USP32: variants seen among roughly 807,000 people sequenced by gnomAD.
The protein encoded by USP32 is ubiquitin specific peptidase 32, also known as ubiquitin carboxyl-terminal hydrolase 32.
USP32 carries 59 observed loss-of-function variants against 204.8 expected under a neutral mutation model. The observed-to-expected ratio is 0.29, with a 90% CI of 0.23 to 0.36. USP32 has a LOEUF of 0.36. USP32 is among the 10% of genes least tolerant of loss of function. The pLI is 1.00. For synonymous variants in USP32, 517 were observed against 678.4 expected (o/e 0.76, Z 3.70); for missense variants, 1,160 against 1,946.4 (o/e 0.60, Z 7.60).
chr17:60,307,227 G>A (rs1162702945), intron 2 of USP32, among the ~76,000 whole-genome samples: 1 of 151,832 alleles, frequency 6.6e-6, no homozygotes, highest in Non-Finnish European at 1.5e-5. Flanking sequence ...AGCCTCCCGA[G>A]TAGCTGGGAT....
intron 1 of USP32, among the ~76,000 whole-genome samples, chr17:60,415,700 C>T (rs62082085): frequency 0.15 from 23,087 of 152,116 alleles, 3,852 homozygotes; most frequent in African/African-American, 0.42. Context: ...CTCTTCAGAC[C>T]CAGCACTCCA....
intron 26 of USP32, among the ~76,000 whole-genome samples, chr17:60,200,751 T>C (rs1190510330): frequency 6.6e-6 from 1 of 152,254 alleles, no homozygotes; most frequent in Non-Finnish European, 1.5e-5. Flanking sequence ...TTCTTGCTTT[T>C]CTTTACAGTT....
intron 1 of USP32, among the ~76,000 whole-genome samples, chr17:60,387,166 C>T (rs965762801): frequency 1.3e-5 from 2 of 152,106 alleles, no homozygotes; most frequent in African/African-American, 2.4e-5. Flanking sequence ...TTATGCTAAA[C>T]GAACTAACAT....
chr17:60,180,722 A>G, intron 32 of USP32, 85 bp from the exon 33 acceptor site: 1 of 1,319,024 alleles, frequency 7.6e-7, no homozygotes, highest in Non-Finnish European at 1.1e-6. Flanking sequence ...GCAGGAGAAC[A>G]CTGATCATGT....
chr17:60,312,379 T>G (rs1177803402), intron 2 of USP32, among the ~76,000 whole-genome samples: 1 of 152,188 alleles, frequency 6.6e-6, no homozygotes, highest in Admixed American at 6.5e-5. Flanking sequence ...TCATTTTATA[T>G]AATTCTCATG....
In USP32 at chr17:60,365,644, T is replaced by C. The variant is rs1233846884; in HGVS notation, c.59-20036A>G. ...CTTGTCCTCCTTAAGTACAAAACTT[T>C]TATTACTTTTTTCATTAGTCTATAT... On this transcript the variant is annotated intron_variant, in intron 1 of 33. Coordinates refer to ENST00000300896, the MANE Select transcript of USP32 (RefSeq NM_032582.4). Among the ~76,000 whole-genome samples, 37 of 151,960 alleles carry C rather than the reference T, an allele frequency of 2.4e-4. 1 individual carries two copies. Among genetic ancestry groups the C allele is most frequent in the Admixed American group, 1.9e-3 (29 of 15,270 alleles).
chr17:60,420,235 C>T (rs982792652), intron 1 of USP32, among the ~76,000 whole-genome samples: 2 of 151,678 alleles, frequency 1.3e-5, no homozygotes, highest in Non-Finnish European at 2.9e-5. Context: ...CTCAGGTGAC[C>T]CACCCACCTC....
intron 1 of USP32, among the ~76,000 whole-genome samples, chr17:60,369,069 A>C (rs1403420465): frequency 7.8e-6 from 1 of 128,816 alleles, no homozygotes; most frequent in Non-Finnish European, 1.5e-5. Flanking sequence ...ATCTCGGCTC[A>C]CTGCAAGCTC....
At chr17:60,396,122 A>G (rs1329853131), upstream of USP32, among the ~76,000 whole-genome samples, 1 of 133,922 alleles carries the variant, frequency 7.5e-6, no homozygotes, top group Non-Finnish European at 1.5e-5. Context: ...TTGTCACCCA[A>G]GCTGGAGTGC....
At chr17:60,405,573 G>T (rs2089969351) in intron 1 of USP32, among the ~76,000 whole-genome samples, 1 of 152,080 alleles carries the variant, frequency 6.6e-6, no homozygotes, top group African/African-American at 2.4e-5. Flanking sequence ...ACCAGCATGG[G>T]CAACATATCA....
At chr17:60,325,560 G>A (rs2088212997) in intron 2 of USP32, among the ~76,000 whole-genome samples, 2 of 152,124 alleles carry the variant, frequency 1.3e-5, no homozygotes, top group African/African-American at 4.8e-5. Flanking sequence ...TTGTCAGGGA[G>A]GGATGTAAGA....
chr17:60,421,511 G>A (rs1362614302), intron 1 of USP32: 1 of 985,476 alleles, frequency 1.0e-6, no homozygotes, highest in Non-Finnish European at 1.2e-6. Flanking sequence ...AACTGGGCCC[G>A]GGCCCAGAGG....
intron 6 of USP32, among the ~76,000 whole-genome samples, chr17:60,270,614 G>C (rs536375023): frequency 6.6e-6 from 1 of 151,964 alleles, no homozygotes; most frequent in African/African-American, 2.4e-5. Flanking sequence ...ACCTGAGATC[G>C]GGGATTCAAG....
At chr17:60,358,911 T>C (rs918174959) in intron 1 of USP32, among the ~76,000 whole-genome samples, 2 of 152,218 alleles carry the variant, frequency 1.3e-5, no homozygotes, top group African/African-American at 4.8e-5. Context: ...CAAAAAGATT[T>C]AAAATGTTAT....
At chr17:60,407,660 T>C (rs569560476) in intron 1 of USP32, among the ~76,000 whole-genome samples, 154 of 151,448 alleles carry the variant, frequency 1.0e-3, no homozygotes, top group Non-Finnish European at 1.4e-3. Context: ...TCCATGCCTG[T>C]AATCCCAGCT....
chr17:60,198,568 C>A, intron 26 of USP32, 124 bp from the exon 27 acceptor site: 2 of 1,202,750 alleles, frequency 1.7e-6, no homozygotes, highest in South Asian at 1.6e-5. Flanking sequence ...CTATCACATT[C>A]TTCTCTGTAT....
At chr17:60,422,291 G>A (rs1042586858) in exon 1 of USP32, 5 of 461,056 alleles carry the variant, frequency 1.1e-5, no homozygotes, top group African/African-American at 8.2e-5. Flanking sequence ...TGGGAGAAGG[G>A]GCGCCAGCCT....
At chr17:60,419,319 C>T (rs947303594) in intron 1 of USP32, among the ~76,000 whole-genome samples, 3 of 152,140 alleles carry the variant, frequency 2.0e-5, no homozygotes, top group East Asian at 3.9e-4. Context: ...ATGATGAGAA[C>T]ACATGAACAC....
At chr17:60,298,421 G>A (rs2087493351) in intron 3 of USP32, among the ~76,000 whole-genome samples, 1 of 151,956 alleles carries the variant, frequency 6.6e-6, no homozygotes, top group Non-Finnish European at 1.5e-5. Context: ...ATTTTTTTCA[G>A]TTGACACATA....
Sources: gnomAD v4.1 joint callset for allele counts (sites outside exome capture counted in the v4.1 genomes callset) on GRCh38, gnomAD v4.1.1 for gene constraint, MANE v1.5 for transcripts, NCBI Gene and HGNC (gene_info 2026-07-23, HGNC 2026-07-21) for gene names.